The following IL1RAPL2 variants were observed in gnomAD, a reference collection of about 807,000 sequenced individuals.
IL1RAPL2 encodes the protein X-linked interleukin-1 receptor accessory protein-like 2.
In IL1RAPL2, 3 loss-of-function variants were observed where a neutral mutation model predicts 44.1. The observed-to-expected ratio is 0.07, with a 90% CI of 0.03 to 0.18. The LOEUF (loss-of-function observed/expected upper bound fraction) is 0.18. IL1RAPL2 is among the 10% of genes least tolerant of loss of function. The pLI is 1.00. For missense variants in IL1RAPL2, 391 were observed against 496.4 expected (o/e 0.79, Z 2.02); for synonymous variants, 181 against 178.8 (o/e 1.01, Z -0.10).
chrX:105,455,510 T>G (rs756035239), intron 5 of IL1RAPL2, among the ~76,000 whole-genome samples: 2 of 112,146 alleles, frequency 1.8e-5, no homozygotes, highest in African/African-American at 3.2e-5. Context: ...TGGTGAAAGG[T>G]AGGGGTCCAG....
chrX:105,400,469 T>C (rs1602394853), intron 5 of IL1RAPL2, among the ~76,000 whole-genome samples: 1 of 111,366 alleles, frequency 9.0e-6, no homozygotes, highest in South Asian at 3.8e-4. Flanking sequence ...CTCAAGAGAC[T>C]GTGTAATATT....
intron 5 of IL1RAPL2, among the ~76,000 whole-genome samples, chrX:105,442,170 C>A (rs1442819372): frequency 9.1e-6 from 1 of 110,246 alleles, no homozygotes; most frequent in East Asian, 2.9e-4. Context: ...CCCGCCTCAG[C>A]CTCCCAAGTA....
intron 6 of IL1RAPL2, among the ~76,000 whole-genome samples, chrX:105,608,524 A>G (rs1296419677): frequency 8.9e-6 from 1 of 112,153 alleles, no homozygotes; most frequent in Non-Finnish European, 1.9e-5. Context: ...TATGTTTGTG[A>G]CTTCACTGTT....
intron 6 of IL1RAPL2, among the ~76,000 whole-genome samples, chrX:105,575,225 T>C (rs2037041949): frequency 1.8e-5 from 2 of 111,164 alleles, no homozygotes; most frequent in African/African-American, 3.3e-5. Flanking sequence ...AGGTTTGTTA[T>C]ATAGGTAAAC....
chrX:104,865,817 G>A (rs1922600255), intron 2 of IL1RAPL2, among the ~76,000 whole-genome samples: 1 of 112,854 alleles, frequency 8.9e-6, no homozygotes. Context: ...GCCACAGACT[G>A]AAGGCTGCAC....
At chrX:105,249,217 A>G (rs181373622) in intron 4 of IL1RAPL2, among the ~76,000 whole-genome samples, 1 of 111,219 alleles carries the variant, frequency 9.0e-6, no homozygotes, top group East Asian at 2.8e-4. Flanking sequence ...AGAGGTCATT[A>G]TGTTAAATGA....
intron 2 of IL1RAPL2, among the ~76,000 whole-genome samples, chrX:104,794,951 C>T (rs1932842218): frequency 9.0e-6 from 1 of 111,655 alleles, no homozygotes; most frequent in Non-Finnish European, 1.9e-5. Flanking sequence ...AATTATTAGG[C>T]TTTGCTGTGG....
chrX:104,579,929 A>C (rs1221112361), intron 1 of IL1RAPL2, among the ~76,000 whole-genome samples: 1 of 110,900 alleles, frequency 9.0e-6, no homozygotes, highest in Non-Finnish European at 1.9e-5. Context: ...TGCTGCCCTC[A>C]GCACTATTTA....
At chrX:104,710,074 G>C (rs972684286) in intron 2 of IL1RAPL2, among the ~76,000 whole-genome samples, 2 of 111,223 alleles carry the variant, frequency 1.8e-5, no homozygotes, top group African/African-American at 6.5e-5. Flanking sequence ...AAAGCAGTTT[G>C]GCAGTTTCTC....
chrX:104,785,344 T>C (rs1414804693), intron 2 of IL1RAPL2, among the ~76,000 whole-genome samples: 1 of 111,817 alleles, frequency 8.9e-6, no homozygotes, highest in Admixed American at 9.5e-5. Flanking sequence ...GTGTTAAGTA[T>C]TTTAGACTTG....
At chrX:105,045,820 C>T (rs754268644) in intron 2 of IL1RAPL2, among the ~76,000 whole-genome samples, 10 of 111,336 alleles carry the variant, frequency 9.0e-5, no homozygotes, top group Non-Finnish European at 9.4e-5. Flanking sequence ...GCCTCAGCCT[C>T]CCAAAGTGCT....
intron 2 of IL1RAPL2, among the ~76,000 whole-genome samples, chrX:104,905,639 C>A (rs1021455037): frequency 3.6e-5 from 4 of 111,326 alleles, no homozygotes; most frequent in African/African-American, 1.3e-4. Context: ...TTTCTGAGGG[C>A]TCTGTTCTGT....
intron 2 of IL1RAPL2, among the ~76,000 whole-genome samples, chrX:105,036,248 C>A (rs1296608897): frequency 8.9e-6 from 1 of 112,075 alleles, no homozygotes; most frequent in African/African-American, 3.2e-5. Context: ...GGAGCATAGA[C>A]AATCATGGAT....
At chrX:104,733,608 ACT>A (rs754317681) in intron 2 of IL1RAPL2, among the ~76,000 whole-genome samples, 58 of 93,024 alleles carry the variant, frequency 6.2e-4, no homozygotes, top group African/African-American at 2.4e-3. Flanking sequence ...TGACAGCGAG[ACT>A]CTGTCTCAAA....
intron 5 of IL1RAPL2, among the ~76,000 whole-genome samples, chrX:105,475,388 T>C (rs1159433663): frequency 9.0e-6 from 1 of 111,090 alleles, no homozygotes; most frequent in East Asian, 2.8e-4. Context: ...CTAGGCCAAA[T>C]TTCTAGATCC....
intron 4 of IL1RAPL2, among the ~76,000 whole-genome samples, chrX:105,253,159 T>C (rs1351964175): frequency 8.9e-6 from 1 of 111,887 alleles, no homozygotes; most frequent in East Asian, 2.8e-4. Context: ...TCTTTCTCTA[T>C]TTCTTCTTGT....
At chrX:104,963,040 A>G (rs928963725) in intron 2 of IL1RAPL2, among the ~76,000 whole-genome samples, 11 of 111,853 alleles carry the variant, frequency 9.8e-5, no homozygotes, top group Non-Finnish European at 1.9e-4. Flanking sequence ...GTCCCATTAC[A>G]TGCCTCCGCC....
At chrX:104,803,803 C>A (rs1487638173) in intron 2 of IL1RAPL2, 1 of 112,266 alleles carries the variant, frequency 8.9e-6, no homozygotes, top group Non-Finnish European at 1.9e-5. Flanking sequence ...TTGCAATCAG[C>A]AGTTTTTAGC....
intron 6 of IL1RAPL2, among the ~76,000 whole-genome samples, chrX:105,603,710 A>AGAT (rs2147823641): frequency 8.9e-6 from 1 of 111,782 alleles, no homozygotes; most frequent in African/African-American, 3.2e-5. Flanking sequence ...GAACATTAAC[A>AGAT]GATACAGAAT....
Sources: gnomAD v4.1 joint callset for allele counts (sites outside exome capture counted in the v4.1 genomes callset) on GRCh38, gnomAD v4.1.1 for gene constraint, MANE v1.5 for transcripts, NCBI Gene and HGNC (gene_info 2026-07-23, HGNC 2026-07-21) for gene names.